USP12: variants seen among roughly 807,000 people sequenced by gnomAD.
USP12 encodes ubiquitin carboxyl-terminal hydrolase 12.
USP12 carries 19 observed loss-of-function variants against 45.5 expected under a neutral mutation model. The ratio of observed to expected loss-of-function variants is 0.42; its 90% CI spans 0.29 to 0.61. The LOEUF is 0.61. USP12 is among the 20% of genes least tolerant of loss of function. The probability of loss-of-function intolerance (pLI) is 0.22; values close to 1 mark genes in which losing one functional copy is unlikely to be tolerated. For synonymous variants in USP12, 149 were observed against 148.8 expected (o/e 1.00, Z -0.01); for missense variants, 242 against 447.7 (o/e 0.54, Z 4.15).
In USP12 at chr13:27,122,794, G is replaced by A. The variant is rs548878181; in HGVS notation, c.49-6198C>T. ...GGTTATTAATGAAAACTCAAGTTTC[G>A]TTAAAAACAGGAAACGTGGCCAGGC... On this transcript the variant is annotated intron_variant, in intron 1 of 8. Transcript: ENST00000282344. Among the ~76,000 whole-genome samples the A allele has an allele frequency of 1.8e-4, 27 of 152,140 alleles. 1 individual carries two copies. The East Asian group carries it at 2.5e-3, about 14-fold the overall frequency.
At chr13:27,144,120 C>G (rs56820212) in intron 1 of USP12, among the ~76,000 whole-genome samples, 3,221 of 152,142 alleles carry the variant, frequency 0.021, 117 homozygotes, top group African/African-American at 0.074. Flanking sequence ...GGGAGGATCA[C>G]TTCAGCCTGG....
chr13:27,086,164 T>G (rs1188965435), intron 6 of USP12, among the ~76,000 whole-genome samples: 14 of 103,828 alleles, frequency 1.3e-4, no homozygotes, highest in African/African-American at 4.7e-4. Context: ...AGAGAGATCT[T>G]TTGTCTCTTT....
At chr13:27,108,943 A>G (rs1176374357) in intron 2 of USP12, among the ~76,000 whole-genome samples, 2 of 152,210 alleles carry the variant, frequency 1.3e-5, no homozygotes, top group Non-Finnish European at 2.9e-5. Flanking sequence ...TTTCTCCACA[A>G]AAAAAGATAC....
chr13:27,141,832 A>G (rs1057357779), intron 1 of USP12, among the ~76,000 whole-genome samples: 14 of 152,230 alleles, frequency 9.2e-5, no homozygotes, highest in African/African-American at 2.9e-4. Flanking sequence ...GAGTGCTAAC[A>G]TAACACCACA....
chr13:27,071,796 CATAAAA>C (rs1279099919), intron 7 of USP12, among the ~76,000 whole-genome samples: 1 of 152,038 alleles, frequency 6.6e-6, no homozygotes, highest in Non-Finnish European at 1.5e-5. Flanking sequence ...TGTAGATATA[CATAAAA>C]ATAAAAGAAG....
At chr13:27,162,214 A>G (rs1878142603) in intron 1 of USP12, among the ~76,000 whole-genome samples, 1 of 152,224 alleles carries the variant, frequency 6.6e-6, no homozygotes, top group Non-Finnish European at 1.5e-5. Flanking sequence ...TGGGGAAATT[A>G]TTATTCCATT....
At chr13:27,105,435 T>A (rs1875086994) in intron 3 of USP12, among the ~76,000 whole-genome samples, 1 of 152,170 alleles carries the variant, frequency 6.6e-6, no homozygotes, top group African/African-American at 2.4e-5. Flanking sequence ...AACCCTTCAT[T>A]CTTGACAGAA....
chr13:27,088,540 T>C (rs569981961), intron 6 of USP12, among the ~76,000 whole-genome samples: 7 of 152,232 alleles, frequency 4.6e-5, no homozygotes, highest in South Asian at 2.1e-4. Context: ...TGTGCCTAAA[T>C]TGTTTGAACA....
intron 3 of USP12, 91 bp downstream of exon 3, chr13:27,105,640 C>T (rs1875097758): frequency 8.3e-7 from 1 of 1,210,260 alleles, no homozygotes; most frequent in Admixed American, 2.1e-5. Flanking sequence ...TGTTATCAGG[C>T]ATACAGATGA....
At chr13:27,102,403 G>A (rs1874910696) in intron 3 of USP12, among the ~76,000 whole-genome samples, 2 of 151,428 alleles carry the variant, frequency 1.3e-5, no homozygotes, top group Admixed American at 1.3e-4. Context: ...CAGCCAAAGG[G>A]TCTTCTCAAA....
At chr13:27,070,146 G>A (rs752014326) in intron 8 of USP12, among the ~76,000 whole-genome samples, 3 of 152,108 alleles carry the variant, frequency 2.0e-5, no homozygotes, top group Admixed American at 1.3e-4. Flanking sequence ...TACTATTACC[G>A]CAGGCAACAA....
Position 27,130,541 on chromosome 13 carries a change from A to C in USP12, c.49-13945T>G, listed in dbSNP as rs143167919. Among the ~76,000 whole-genome samples, 570 of 147,054 alleles carry C rather than the reference A, an allele frequency of 3.9e-3. 1 individual carries two copies. Among genetic ancestry groups the C allele is most frequent in the African/African-American group, 0.013 (512 of 40,458 alleles). ...ACTGTTCAGTTCTCACACACACACA[A>C]AAAAAATCACAAAACATGCCAAAAA... On this transcript the variant is annotated intron_variant, in intron 1 of 8. Coordinates refer to ENST00000282344, the MANE Select transcript of USP12 (RefSeq NM_182488.4).
At position 27,149,119 on chromosome 13, in the gene USP12, G is replaced by A. The variant is rs181128102; in HGVS notation, c.48+22473C>T. 3.3e-5 allele frequency among the ~76,000 whole-genome samples: 5 copies of A among 152,204 alleles called. No individual in the cohort carries two copies. The East Asian group carries it at 9.7e-4, about 29-fold the overall frequency. On this transcript the variant is annotated intron_variant, in intron 1 of 8. Coordinates refer to ENST00000282344, the MANE Select transcript of USP12 (RefSeq NM_182488.4). ...GAATCACTTTCACCCAGAAGGCAGG[G>A]GTGTGGTAAGACAAGATCACAGCAC...
At chr13:27,166,855 A>G (rs934381041) in intron 1 of USP12, among the ~76,000 whole-genome samples, 1 of 152,086 alleles carries the variant, frequency 6.6e-6, no homozygotes, top group Non-Finnish European at 1.5e-5. Flanking sequence ...ACGCCCTAGT[A>G]CCCTACCACT....
chr13:27,151,586 G>A (rs1306789626), intron 1 of USP12, among the ~76,000 whole-genome samples: 1 of 152,054 alleles, frequency 6.6e-6, no homozygotes, highest in Non-Finnish European at 1.5e-5. Context: ...TTCAAGACCA[G>A]CCTGGGCAAA....
At chr13:27,154,594 T>C (rs1877730497) in intron 1 of USP12, among the ~76,000 whole-genome samples, 3 of 152,138 alleles carry the variant, frequency 2.0e-5, no homozygotes, top group African/African-American at 7.2e-5. Context: ...CCAAAATTCA[T>C]TAAAGGCATA....
At chr13:27,115,241 G>A (rs959651072) in intron 2 of USP12, among the ~76,000 whole-genome samples, 13 of 152,096 alleles carry the variant, frequency 8.5e-5, no homozygotes, top group African/African-American at 2.9e-4. Flanking sequence ...AATTCTAACT[G>A]AAATGCTGTT....
At chr13:27,110,721 A>C (rs2137792132) in intron 2 of USP12, among the ~76,000 whole-genome samples, 1 of 152,334 alleles carries the variant, frequency 6.6e-6, no homozygotes, top group Admixed American at 6.5e-5. Context: ...GTACAACTGA[A>C]TGTTACTAAG....
intron 1 of USP12, among the ~76,000 whole-genome samples, chr13:27,142,966 G>A (rs1293442452): frequency 1.3e-5 from 2 of 151,672 alleles, no homozygotes; most frequent in Non-Finnish European, 2.9e-5. Context: ...GGTGCCACAC[G>A]CCTGTAGTCC....
Sources: gnomAD v4.1 joint callset for allele counts (sites outside exome capture counted in the v4.1 genomes callset) on GRCh38, gnomAD v4.1.1 for gene constraint, MANE v1.5 for transcripts, NCBI Gene and HGNC (gene_info 2026-07-23, HGNC 2026-07-21) for gene names.